SNRNP40: variants seen among roughly 807,000 people sequenced by gnomAD.
The protein encoded by SNRNP40 is U5 small nuclear ribonucleoprotein 40 kDa protein.
A neutral mutation model predicts 45.8 loss-of-function variants in SNRNP40; 21 were observed. The ratio of observed to expected loss-of-function variants is 0.46; its 90% CI spans 0.32 to 0.66. The LOEUF (loss-of-function observed/expected upper bound fraction) is 0.66. SNRNP40 is among the 30% of genes least tolerant of loss of function. The probability of loss-of-function intolerance (pLI) is 0.03; values close to 1 mark genes in which losing one functional copy is unlikely to be tolerated. For missense variants in SNRNP40, 344 were observed against 439.1 expected, an observed-to-expected ratio of 0.78 and a Z score of 1.94; for synonymous variants, 142 against 163.8, an observed-to-expected ratio of 0.87 and a Z score of 1.01.
chr1:31,260,373 C>T (rs111390488), intron 9 of SNRNP40, among the ~76,000 whole-genome samples: 3,650 of 151,996 alleles, frequency 0.024, 136 homozygotes, highest in African/African-American at 0.083. Context: ...GTCAGTCAAA[C>T]CCCAAGAAAA....
chr1:31,269,969 C>T (rs1645925631), intron 6 of SNRNP40, among the ~76,000 whole-genome samples: 1 of 152,138 alleles, frequency 6.6e-6, no homozygotes, highest in South Asian at 2.1e-4. Flanking sequence ...GTGGCGTGAT[C>T]TCGGCTCACT....
chr1:31,262,544 AG>A (rs1557672159), intron 8 of SNRNP40, among the ~76,000 whole-genome samples: 867 of 56,808 alleles, frequency 0.015, 18 homozygotes, highest in African/African-American at 0.031. Context: ...AAAAAAAAAA[AG>A]AGGAGAAAAA....
intron 9 of SNRNP40, chr1:31,260,889 C>CTTTTTTTTTTTTTTTTTTTTTTTT (rs1384826440): frequency 1.5e-6 from 1 of 654,378 alleles, no homozygotes; most frequent in Non-Finnish European, 1.9e-6. Flanking sequence ...AAGTATCTTT[C>CTTTTTTTTTTTTTTTTTTTTTTTT]TTTTAATCAA....
At chr1:31,267,033 C>T (rs1187514653) in intron 8 of SNRNP40, among the ~76,000 whole-genome samples, 1 of 152,008 alleles carries the variant, frequency 6.6e-6, no homozygotes, top group Non-Finnish European at 1.5e-5. Context: ...TAGTTATCTC[C>T]AAGAGGTAAT....
rs1222730102 is a variant in SNRNP40, at chr1:31,296,636, G to A, written c.116C>T (p.Ala39Val). The A allele has an allele frequency of 1.2e-6, 2 of 1,612,312 alleles. No homozygotes were observed. The highest frequency in any genetic ancestry group is 2.2e-5 in the East Asian group (1 of 44,818). ...GSGPGAGQQQ[A>V]TPGALLQAGP... ...CGCTTGCAGCAAGGCTCCCGGCGTC[G>A]CCTGCTGCTGCCCGGCTCCTGGGCC... The change falls in exon 1 of 10, where the codon GCG (alanine) becomes GTG (valine). Residue 39 changes from alanine to valine, a missense_variant. Ala to Val is a moderately conservative substitution (Grantham distance 64). Around this residue, in one of 2 missense-constraint regions of SNRNP40, gnomAD observed 90 missense variants for 58.9 expected, o/e 1.53. Coordinates refer to ENST00000263694, the MANE Select transcript of SNRNP40 (RefSeq NM_004814.3).
chr1:31,294,714 C>T lies in SNRNP40; in HGVS notation c.142-1366G>A, dbSNP rs1053816693. Among the ~76,000 whole-genome samples the T allele has an allele frequency of 3.9e-5, 6 of 152,110 alleles. No individual in the cohort carries two copies. In the East Asian group the frequency reaches 5.8e-4, roughly 15 times the overall value. ...CAGCACTTTGGGAGGCTGAGGTGGG[C>T]GGATCACTTGAGGTCAAAAGTTTGA... On this transcript the variant is annotated intron_variant, in intron 1 of 9. Transcript: ENST00000263694.
rs1175569310 is a variant in SNRNP40 at position 31,261,543 on chromosome 1, G to T, written c.1010C>A (p.Pro337His). 6.2e-7 allele frequency: 1 copy of T among 1,611,764 alleles called. No homozygotes were observed. Among genetic ancestry groups the T allele is most frequent in the African/African-American group, 1.3e-5 (1 of 74,870 alleles). ...AGSINEVAFHPDEPIIISASS... is the reference protein window; with the variant it reads ...AGSINEVAFHHDEPIIISASS... The stretch of plus-strand genomic sequence containing the variant: ...GACAGACTTACTGATGGGCTCATCA[G>T]GGTGGAAAGCCACTTCATTGATGGA... Residue 337 changes from proline (P) to histidine (H), a missense_variant, in exon 9 of 10, where the codon CCT becomes CAT. Pro to His is a moderately conservative substitution (Grantham distance 77). Around this residue, in one of 2 missense-constraint regions of SNRNP40, gnomAD observed 254 missense variants for 380.2 expected, o/e 0.67. Transcript: ENST00000263694.
intron 4 of SNRNP40, among the ~76,000 whole-genome samples, chr1:31,284,449 C>G (rs1159586028): frequency 6.6e-6 from 1 of 152,194 alleles, no homozygotes; most frequent in Non-Finnish European, 1.5e-5. Flanking sequence ...TGCACCCGGC[C>G]AAGACCCCAT....
chr1:31,260,201 CAATT>C, intron 9 of SNRNP40, 80 bp from the exon 10 acceptor site: 3 of 937,012 alleles, frequency 3.2e-6, no homozygotes, highest in Non-Finnish European at 4.9e-6. Context: ...TGTCAAGAGC[CAATT>C]CTGGTATAAA....
chr1:31,294,054 G>A (rs1218641006), intron 1 of SNRNP40, among the ~76,000 whole-genome samples: 1 of 151,786 alleles, frequency 6.6e-6, no homozygotes, highest in Non-Finnish European at 1.5e-5. Flanking sequence ...TGCTTTCTGG[G>A]TTCAAGGGAT....
At chr1:31,282,570 T>G (rs1259469062) in intron 4 of SNRNP40, 1 of 125,602 alleles carries the variant, frequency 8.0e-6, no homozygotes, top group African/African-American at 3.0e-5. Context: ...TATCTATCTA[T>G]CTATCTATCT....
At chr1:31,268,021 A>T in intron 7 of SNRNP40, 89 bp from the exon 8 acceptor site, 1 of 855,076 alleles carries the variant, frequency 1.2e-6, no homozygotes, top group Admixed American at 2.1e-5. Flanking sequence ...AAATTTCCTA[A>T]CTAGAGTTTT....
At chr1:31,263,631 C>A in intron 8 of SNRNP40, 1 of 467,214 alleles carries the variant, frequency 2.1e-6, no homozygotes, top group Non-Finnish European at 4.2e-6. Context: ...CTCATCTAGG[C>A]TCTCCTGAAG....
intron 4 of SNRNP40, among the ~76,000 whole-genome samples, chr1:31,283,186 C>T (rs1303388206): frequency 1.3e-5 from 2 of 152,182 alleles, no homozygotes; most frequent in African/African-American, 4.8e-5. Flanking sequence ...AATTTTTGTT[C>T]TTGTTGTTGT....
At chr1:31,293,971 T>A (rs1195047943) in intron 1 of SNRNP40, among the ~76,000 whole-genome samples, 8 of 152,144 alleles carry the variant, frequency 5.3e-5, no homozygotes, top group African/African-American at 1.7e-4. Flanking sequence ...TTTTTTTGTG[T>A]GTTTTGAGAC....
rs1329651712 is a variant in SNRNP40, at chr1:31,278,676, C to G, written c.654+2698G>C. On this transcript the variant is annotated intron_variant, in intron 5 of 9. Coordinates refer to ENST00000263694, the MANE Select transcript of SNRNP40 (RefSeq NM_004814.3). ...TATGATGGAAAAGGGATGGGAAGTTCAATTTTGGAAAACCTGAATTCTTAG... is the reference window on the plus strand; with the variant it reads ...TATGATGGAAAAGGGATGGGAAGTTGAATTTTGGAAAACCTGAATTCTTAG... Among the ~76,000 whole-genome samples the G allele has an allele frequency of 2.6e-5, 4 of 152,066 alleles. No homozygotes were observed. The East Asian group carries it at 7.7e-4, about 29-fold the overall frequency.
chr1:31,268,486 C>T (rs1214173878), intron 7 of SNRNP40, among the ~76,000 whole-genome samples: 1 of 151,904 alleles, frequency 6.6e-6, no homozygotes, highest in Non-Finnish European at 1.5e-5. Flanking sequence ...ACTATGTTGC[C>T]CTGGCTGGTC....
chr1:31,293,879 T>A (rs1557681423), intron 1 of SNRNP40, among the ~76,000 whole-genome samples: 1 of 152,126 alleles, frequency 6.6e-6, no homozygotes, highest in African/African-American at 2.4e-5. Context: ...CCTGGCTCAT[T>A]TAACAAATGA....
chr1:31,271,901 T>C (rs1645941533), intron 5 of SNRNP40, among the ~76,000 whole-genome samples: 1 of 152,160 alleles, frequency 6.6e-6, no homozygotes, highest in East Asian at 1.9e-4. Context: ...CTCTCAGTAT[T>C]TGGATTAACA....
Sources: allele counts gnomAD v4.1 joint callset (sites outside exome capture counted in the v4.1 genomes callset), GRCh38; gene constraint gnomAD v4.1.1; regional missense constraint gnomAD v4.1.1; transcripts MANE v1.5; gene names NCBI Gene and HGNC (gene_info 2026-07-23, HGNC 2026-07-21).